Variants in PKD2L2 observed in about 807,000 individuals in gnomAD.
PKD2L2 encodes the protein polycystin-2-like protein 2.
Under a neutral mutation model 83.9 loss-of-function variants are expected in PKD2L2, and 67 were observed. That is an observed-to-expected ratio of 0.80 (90% CI 0.66 to 0.98). The LOEUF (loss-of-function observed/expected upper bound fraction) is 0.98, where lower values mean the gene tolerates loss of function less well. Among genes scored for constraint, PKD2L2 ranks in the 50% least tolerant of loss-of-function variants. The pLI is 0.00. For synonymous variants in PKD2L2, 223 were observed against 237.8 expected, an observed-to-expected ratio of 0.94 and a Z score of 0.57; for missense variants, 632 against 717.2, an observed-to-expected ratio of 0.88 and a Z score of 1.36.
In PKD2L2 at chr5:137,936,411, T is replaced by C. The variant is rs761363468; in HGVS notation, c.*1T>C. The C allele has an allele frequency of 5.9e-6, 9 of 1,535,236 alleles. No individual in the cohort carries two copies. Among genetic ancestry groups the C allele is most frequent in the Middle Eastern group, 1.7e-4 (1 of 6,004 alleles). On this transcript the variant is annotated 3_prime_UTR_variant, in exon 14 of 15. Coordinates refer to ENST00000508883, the MANE Select transcript of PKD2L2 (RefSeq NM_001300921.2). ...GGTGAGAAAGGTTTCAGCTCTATAG[T>C]ATTGAGACAAGTGGAGGTAAGAATC...
chr5:137,900,804 T>G (rs1222425182), intron 5 of PKD2L2, among the ~76,000 whole-genome samples: 3 of 152,186 alleles, frequency 2.0e-5, no homozygotes, highest in Non-Finnish European at 2.9e-5. Context: ...GCAGGATTGC[T>G]GTAAGAAAGG....
intron 12 of PKD2L2, among the ~76,000 whole-genome samples, chr5:137,934,808 C>CA (rs1431937468): frequency 1.3e-5 from 2 of 152,132 alleles, no homozygotes; most frequent in East Asian, 3.9e-4. Flanking sequence ...GCCTGGGTGA[C>CA]AGAGTGGGAG....
chr5:137,934,737 G>A (rs932539805), intron 12 of PKD2L2, among the ~76,000 whole-genome samples: 25 of 152,260 alleles, frequency 1.6e-4, no homozygotes, highest in African/African-American at 5.8e-4. Context: ...CTTTGAACCC[G>A]GGAGGGGTGG....
At chr5:137,901,079 T>C (rs1756911276) in intron 5 of PKD2L2, among the ~76,000 whole-genome samples, 1 of 151,024 alleles carries the variant, frequency 6.6e-6, no homozygotes, top group Admixed American at 6.6e-5. Flanking sequence ...GAGGTTGTGG[T>C]GAGCCGAGAT....
intron 10 of PKD2L2, 147 bp from the exon 11 acceptor site, chr5:137,924,893 G>A: frequency 1.6e-6 from 1 of 613,634 alleles, no homozygotes; most frequent in East Asian, 2.8e-5. Flanking sequence ...TGAGGTGAAA[G>A]AAGGATAATC....
chr5:137,934,634 C>A (rs571209350), intron 12 of PKD2L2, among the ~76,000 whole-genome samples: 1 of 152,208 alleles, frequency 6.6e-6, no homozygotes, highest in Non-Finnish European at 1.5e-5. Flanking sequence ...CATGGCGAAA[C>A]CCGTCTCTAC....
intron 13 of PKD2L2, among the ~76,000 whole-genome samples, 172 bp from the exon 14 acceptor site, chr5:137,936,148 C>T (rs1053890107): frequency 3.9e-5 from 6 of 152,214 alleles, no homozygotes; most frequent in Non-Finnish European, 5.9e-5. Context: ...ATTTGCATAA[C>T]AGATCCTGTT....
chr5:137,925,112 G>A lies in PKD2L2; in HGVS notation c.1616+8G>A. On this transcript the variant is annotated splice_region_variant and intron_variant, in intron 11 of 14. Coordinates refer to ENST00000508883, the MANE Select transcript of PKD2L2 (RefSeq NM_001300921.2). ...AGATGAAGACAAGAAAACGTAAGATGACTTCTCTCAAATGTTTAACTTACC... is the reference window on the plus strand; with the variant it reads ...AGATGAAGACAAGAAAACGTAAGATAACTTCTCTCAAATGTTTAACTTACC... 1 of 1,537,934 alleles carries A rather than the reference G, an allele frequency of 6.5e-7. No homozygotes were observed. The highest frequency in any genetic ancestry group is 9.0e-7 in the Non-Finnish European group (1 of 1,111,432).
In PKD2L2 at chr5:137,894,577, CCTCT is replaced by C. The variant is rs750406759; in HGVS notation, c.495_498del (p.Ser166IlefsTer54). On this transcript the variant is annotated frameshift_variant, in exon 4 of 15. Transcript: ENST00000508883. LOFTEE classifies it high-confidence loss of function. ...GCAAATATACTTCTGCAAATGAAGA[CCTCT>C]CTAATTTTGGCCTTCAAATTAATAC... The C allele has an allele frequency of 1.2e-6, 2 of 1,612,212 alleles. No homozygotes were observed. Among genetic ancestry groups the C allele is most frequent in the Non-Finnish European group, 1.7e-6 (2 of 1,178,652 alleles).
chr5:137,895,768 C>T (rs1236200033), intron 4 of PKD2L2, among the ~76,000 whole-genome samples: 1 of 151,038 alleles, frequency 6.6e-6, no homozygotes, highest in Non-Finnish European at 1.5e-5. Context: ...GTCCCAGCTA[C>T]TCAGGAGACT....
At chr5:137,892,770 G>A (rs1361213803) in intron 3 of PKD2L2, among the ~76,000 whole-genome samples, 157 bp downstream of exon 3, 1 of 152,184 alleles carries the variant, frequency 6.6e-6, no homozygotes, top group Non-Finnish European at 1.5e-5. Flanking sequence ...AAGTGTTTTT[G>A]AGAGCCTGTG....
intron 6 of PKD2L2, among the ~76,000 whole-genome samples, chr5:137,907,044 A>C (rs1475618884): frequency 1.3e-5 from 2 of 152,200 alleles, no homozygotes; most frequent in Non-Finnish European, 2.9e-5. Context: ...TCTTAGGAAC[A>C]AAGAACCAAT....
At chr5:137,918,114 T>C (rs938913592) in intron 8 of PKD2L2, among the ~76,000 whole-genome samples, 1 of 152,232 alleles carries the variant, frequency 6.6e-6, no homozygotes, top group African/African-American at 2.4e-5. Flanking sequence ...TGTGATAATT[T>C]TGAAAATCAG....
chr5:137,924,859 G>C (rs751666096), intron 10 of PKD2L2, among the ~76,000 whole-genome samples, 181 bp from the exon 11 acceptor site: 27 of 152,110 alleles, frequency 1.8e-4, no homozygotes, highest in Non-Finnish European at 3.8e-4. Context: ...GTTTTCACCA[G>C]CAGGCGTAAA....
At position 137,925,160 on chromosome 5, in the gene PKD2L2, G is replaced by A. The variant is rs1759273194; in HGVS notation, c.1616+56G>A. On this transcript the variant is annotated intron_variant, in intron 11 of 14. Coordinates refer to ENST00000508883, the MANE Select transcript of PKD2L2 (RefSeq NM_001300921.2). The stretch of plus-strand genomic sequence containing the variant: ...ACCATTTTAAAGTTCCACATTATAT[G>A]AGAACCTTATAAGGTTTTTTTTGTT... 5.6e-6 allele frequency: 6 copies of A among 1,066,624 alleles called. No homozygotes were observed. In the East Asian group the frequency reaches 9.4e-5, roughly 17 times the overall value. The allele number at this position is 1,066,624 out of a possible 1,614,324, so 66.1% of individuals were successfully genotyped here.
chr5:137,939,991 T>C, intron 14 of PKD2L2: 1 of 1,574,488 alleles, frequency 6.4e-7, no homozygotes, highest in Admixed American at 1.9e-5. Context: ...AAACCATATG[T>C]TTGCTAAAGG....
intron 12 of PKD2L2, among the ~76,000 whole-genome samples, chr5:137,933,900 G>A (rs1484412834): frequency 2.6e-5 from 4 of 152,098 alleles, no homozygotes; most frequent in Admixed American, 1.3e-4. Flanking sequence ...AATCCCAAAC[G>A]GTCAAGTGGC....
Position 137,912,345 on chromosome 5 carries a change from C to T in PKD2L2, c.1328+3399C>T, listed in dbSNP as rs932111749. Among the ~76,000 whole-genome samples the T allele has an allele frequency of 3.9e-5, 6 of 152,260 alleles. No individual in the cohort carries two copies. In the East Asian group the frequency reaches 7.7e-4, roughly 20 times the overall value. On this transcript the variant is annotated intron_variant, in intron 8 of 14. Transcript: ENST00000508883. ...ATCTTTTTGATAAGAGCCATTCTAA[C>T]AGGTGTGAGGTGATATCTCATTTTG...
intron 8 of PKD2L2, among the ~76,000 whole-genome samples, chr5:137,910,484 C>G (rs1242552202): frequency 6.6e-6 from 1 of 151,642 alleles, no homozygotes; most frequent in Admixed American, 6.6e-5. Flanking sequence ...ATTTTAAAAG[C>G]TGGATGGGCC....
Sources: gnomAD v4.1 joint callset for allele counts (sites outside exome capture counted in the v4.1 genomes callset) on GRCh38, gnomAD v4.1.1 for gene constraint, MANE v1.5 for transcripts, NCBI Gene and HGNC (gene_info 2026-07-23, HGNC 2026-07-21) for gene names.